The following OR1F1 variants were observed in gnomAD, a reference collection of about 807,000 sequenced individuals.
OR1F1 encodes olfactory receptor 1F1.
For missense variants in OR1F1, 493 were observed against 376.3 expected, an observed-to-expected ratio of 1.31 and a Z score of -2.57; for synonymous variants, 184 against 156.7, an observed-to-expected ratio of 1.17 and a Z score of -1.30.
the OR1F1 span, among the ~76,000 whole-genome samples, chr16:3,194,702 A>C: frequency 6.6e-6 from 1 of 152,230 alleles, no homozygotes; most frequent in African/African-American, 2.4e-5. Context: ...AAACAGGAAC[A>C]GGAGAAAACA....
chr16:3,204,109 A>T, upstream of OR1F1: 1 of 655,342 alleles, frequency 1.5e-6, no homozygotes, highest in Non-Finnish European at 2.6e-6. Flanking sequence ...TAGCAGCCCC[A>T]GCAGGGTTGA....
At chr16:3,198,049 A>G in the OR1F1 span, among the ~76,000 whole-genome samples, 32 of 84,100 alleles carry the variant, frequency 3.8e-4, no homozygotes, top group African/African-American at 9.7e-4. Context: ...GAGAGGGAGA[A>G]GGAGAGGGAG....
At chr16:3,204,727 C>G (rs201246799) in exon 1 of OR1F1, 3 of 1,614,018 alleles carry the variant, frequency 1.9e-6, no homozygotes, top group Non-Finnish European at 2.5e-6. Flanking sequence ...TCTGCACACC[C>G]TGCTGATGGC....
upstream of OR1F1, among the ~76,000 whole-genome samples, chr16:3,202,768 G>A (rs1958149635): frequency 6.6e-6 from 1 of 151,624 alleles, no homozygotes; most frequent in African/African-American, 2.4e-5. Flanking sequence ...CATTGATGAG[G>A]TTAAGAGTCA....
chr16:3,198,914 T>C, the OR1F1 span, among the ~76,000 whole-genome samples: 1 of 150,338 alleles, frequency 6.7e-6, no homozygotes, highest in African/African-American at 2.5e-5. Flanking sequence ...CTGTGTTCAC[T>C]CCTCGGCACT....
chr16:3,204,223 C>G, upstream of OR1F1: 1 of 1,544,780 alleles, frequency 6.5e-7, no homozygotes, highest in Non-Finnish European at 8.8e-7. Flanking sequence ...CTTTGTCTGC[C>G]TCTGTGTCCA....
At chr16:3,205,541 G>A (rs1000145116), downstream of OR1F1, among the ~76,000 whole-genome samples, 4 of 151,570 alleles carry the variant, frequency 2.6e-5, no homozygotes, top group Non-Finnish European at 2.9e-5. Flanking sequence ...ATGCTGTTGC[G>A]GGAAGTCAGG....
chr16:3,192,020 T>C, the OR1F1 span, among the ~76,000 whole-genome samples: 2 of 151,994 alleles, frequency 1.3e-5, no homozygotes, highest in Non-Finnish European at 2.9e-5. Flanking sequence ...GATTCTCGCT[T>C]AGGATGCGAG....
upstream of OR1F1, among the ~76,000 whole-genome samples, chr16:3,199,592 A>T (rs908795565): frequency 5.3e-5 from 8 of 152,138 alleles, no homozygotes; most frequent in African/African-American, 1.9e-4. Flanking sequence ...TGGCCTCCCA[A>T]AGTGCTAGTG....
chr16:3,191,170 C>A, the OR1F1 span: 1 of 152,078 alleles, frequency 6.6e-6, no homozygotes, highest in Non-Finnish European at 1.5e-5. Flanking sequence ...GAGTGGCCTC[C>A]AAAAAGAGGT....
chr16:3,203,348 C>G (rs1958159096), upstream of OR1F1, among the ~76,000 whole-genome samples: 1 of 152,232 alleles, frequency 6.6e-6, no homozygotes, highest in South Asian at 2.1e-4. Flanking sequence ...ATGAGATACT[C>G]AGCCTCAAAG....
At chr16:3,203,161 C>T (rs9924466), upstream of OR1F1, among the ~76,000 whole-genome samples, 11,389 of 152,196 alleles carry the variant, frequency 0.075, 1,363 homozygotes, top group African/African-American at 0.25. Flanking sequence ...TCGTCAGTGT[C>T]GGACACAAAA....
chr16:3,204,676 C>A (rs1378510077), exon 1 of OR1F1: 2 of 1,614,176 alleles, frequency 1.2e-6, no homozygotes, highest in Non-Finnish European at 8.5e-7. Flanking sequence ...CTGTGCCCTG[C>A]TGGTTGCTGG....
exon 1 of OR1F1, chr16:3,204,955 G>T (rs371937248): frequency 2.5e-5 from 41 of 1,613,784 alleles, no homozygotes; most frequent in Non-Finnish European, 3.3e-5. Context: ...AAGGTGGAAA[G>T]CCTTCTCCAC....
At chr16:3,204,821 C>A (rs912929231) in exon 1 of OR1F1, 1 of 1,614,056 alleles carries the variant, frequency 6.2e-7, no homozygotes, top group African/African-American at 1.3e-5. Flanking sequence ...TGCTCAGACA[C>A]ACACCTCAAT....
the OR1F1 span, among the ~76,000 whole-genome samples, chr16:3,192,211 C>G: frequency 3.9e-5 from 6 of 152,180 alleles, no homozygotes; most frequent in African/African-American, 4.8e-5. Context: ...TGCCCGCCAC[C>G]ACGCCCGATT....
downstream of OR1F1, chr16:3,205,306 A>G (rs1020167101): frequency 4.3e-6 from 3 of 701,834 alleles, no homozygotes; most frequent in African/African-American, 5.4e-5. Context: ...AATTATACTA[A>G]GTTAAACTAT....
the OR1F1 span, among the ~76,000 whole-genome samples, chr16:3,197,077 T>C: frequency 6.6e-6 from 1 of 152,046 alleles, no homozygotes; most frequent in South Asian, 2.1e-4. Flanking sequence ...AGTTTCACCA[T>C]GTTGGCCAGG....
the OR1F1 span, among the ~76,000 whole-genome samples, chr16:3,193,900 G>T: frequency 6.6e-6 from 1 of 152,104 alleles, no homozygotes; most frequent in Non-Finnish European, 1.5e-5. Context: ...AATATTCTCA[G>T]TAGGGCACGT....
Sources: allele counts gnomAD v4.1 joint callset (sites outside exome capture counted in the v4.1 genomes callset), GRCh38; gene constraint gnomAD v4.1.1; transcripts MANE v1.5; gene names NCBI Gene and HGNC (gene_info 2026-07-23, HGNC 2026-07-21).